Variants in MAN2A1 observed in about 807,000 individuals in gnomAD.
The protein encoded by MAN2A1 is alpha-mannosidase 2.
In MAN2A1, 76 loss-of-function variants were observed where a neutral mutation model predicts 142.6. The observed-to-expected ratio is 0.53, with a 90% CI of 0.44 to 0.65. The LOEUF (loss-of-function observed/expected upper bound fraction) is 0.65. Ranked by LOEUF, MAN2A1 falls within the 30% of genes least tolerant of loss-of-function variation. The pLI, the probability that MAN2A1 is intolerant of heterozygous loss-of-function variation, is 0.00. For missense variants in MAN2A1, 1,311 were observed against 1,365.1 expected (o/e 0.96, Z 0.62); for synonymous variants, 559 against 473.2 (o/e 1.18, Z -2.35).
rs1275996526 is a variant in MAN2A1 at position 109,781,374 on chromosome 5, A to G, written c.1375-22A>G. On this transcript the variant is annotated intron_variant, in intron 8 of 21. Transcript: ENST00000261483. ...AATTTTAAGATAGAATGAATAATTGAAGTGCATTTTTTTAAAACTAGATAC... is the reference window on the plus strand; with the variant it reads ...AATTTTAAGATAGAATGAATAATTGGAGTGCATTTTTTTAAAACTAGATAC... The G allele has an allele frequency of 2.8e-6, 4 of 1,411,294 alleles. No individual in the cohort carries two copies. In the African/African-American group the frequency reaches 5.8e-5, roughly 20 times the overall value. The allele number at this position is 1,411,294 out of a possible 1,614,324, so 87.4% of individuals were successfully genotyped here.
chr5:109,777,649 C>G (rs1753331842), intron 8 of MAN2A1, among the ~76,000 whole-genome samples: 1 of 152,014 alleles, frequency 6.6e-6, no homozygotes, highest in Admixed American at 6.6e-5. Flanking sequence ...GGTTCTGAAG[C>G]TACATTCTTA....
At chr5:109,859,211 T>C (rs1288660257) in intron 20 of MAN2A1, among the ~76,000 whole-genome samples, 4 of 152,242 alleles carry the variant, frequency 2.6e-5, no homozygotes, top group African/African-American at 9.6e-5. Context: ...CAGTGCTGTG[T>C]GTGGCCTCAG....
intron 13 of MAN2A1, among the ~76,000 whole-genome samples, chr5:109,818,673 G>A (rs898783575): frequency 5.3e-5 from 8 of 152,026 alleles, no homozygotes; most frequent in South Asian, 2.1e-4. Flanking sequence ...TTAGGAAATG[G>A]CATTGTTGTA....
At chr5:109,734,283 A>G (rs1453284935) in intron 4 of MAN2A1, among the ~76,000 whole-genome samples, 6 of 142,288 alleles carry the variant, frequency 4.2e-5, no homozygotes, top group Non-Finnish European at 7.6e-5. Context: ...CTAGCGGTCT[A>G]TCAATTTTGT....
rs577509615 is a variant in MAN2A1, at chr5:109,722,818, A to C, written c.536-6524A>C. Among the ~76,000 whole-genome samples, 11 of 152,304 alleles carry C rather than the reference A, an allele frequency of 7.2e-5. No individual in the cohort carries two copies. The South Asian group carries it at 1.7e-3, about 23-fold the overall frequency. ...CCCTCGTGTACCCTAAGAGTAACCC[A>C]CCAAAGAAAGTCACTTTTCTTTCTA... On this transcript the variant is annotated intron_variant, in intron 3 of 21. Transcript: ENST00000261483.
At chr5:109,770,209 G>C (rs1753106064) in intron 6 of MAN2A1, 146 bp from the exon 7 acceptor site, 2 of 647,434 alleles carry the variant, frequency 3.1e-6, no homozygotes, top group Admixed American at 5.7e-5. Flanking sequence ...AATACCGCTG[G>C]GGTATATGTA....
intron 5 of MAN2A1, among the ~76,000 whole-genome samples, chr5:109,762,901 A>G (rs575130936): frequency 9.8e-5 from 15 of 152,352 alleles, no homozygotes; most frequent in African/African-American, 3.4e-4. Flanking sequence ...GCAACATCCC[A>G]TCTAAAAAAT....
chr5:109,846,755 A>G (rs1353041848), intron 18 of MAN2A1, among the ~76,000 whole-genome samples: 1 of 152,200 alleles, frequency 6.6e-6, no homozygotes, highest in Non-Finnish European at 1.5e-5. Flanking sequence ...TGAGGCGTAT[A>G]CATGCATTCT....
At chr5:109,818,197 A>G (rs150908853) in intron 13 of MAN2A1, among the ~76,000 whole-genome samples, 2,827 of 152,088 alleles carry the variant, frequency 0.019, 34 homozygotes, top group Middle Eastern at 0.071. Flanking sequence ...CTGGAGTGCA[A>G]TGGCGCGATC....
intron 12 of MAN2A1, among the ~76,000 whole-genome samples, chr5:109,815,293 T>G (rs1213040080): frequency 6.6e-6 from 1 of 152,104 alleles, no homozygotes; most frequent in Non-Finnish European, 1.5e-5. Context: ...CTGAGGTAAG[T>G]CTGTTGAGTA....
At chr5:109,832,561 C>A (rs1222284239) in intron 16 of MAN2A1, among the ~76,000 whole-genome samples, 2 of 152,174 alleles carry the variant, frequency 1.3e-5, no homozygotes, top group East Asian at 3.9e-4. Flanking sequence ...TGGAGTCTCC[C>A]ATGTCTACTT....
chr5:109,729,303 C>T (rs914282734), intron 3 of MAN2A1, 39 bp from the exon 4 acceptor site: 8 of 1,387,502 alleles, frequency 5.8e-6, no homozygotes, highest in African/African-American at 3.0e-5. Context: ...ATCAGCCATA[C>T]GAATTAGACC....
At chr5:109,732,995 G>C (rs975109781) in intron 4 of MAN2A1, among the ~76,000 whole-genome samples, 1 of 152,178 alleles carries the variant, frequency 6.6e-6, no homozygotes, top group Non-Finnish European at 1.5e-5. Context: ...CTACCCATGA[G>C]CATGGAATGT....
chr5:109,774,870 T>G lies in MAN2A1; in HGVS notation c.1279T>G (p.Phe427Val). The G allele has an allele frequency of 6.2e-7, 1 of 1,612,872 alleles. No individual in the cohort carries two copies. The highest frequency in any genetic ancestry group is 1.7e-5 in the Admixed American group (1 of 59,918). Reference protein sequence around the residue: ...KVLLAPLGDDFRYCEYTEWDL... With the variant: ...KVLLAPLGDDVRYCEYTEWDL... Reference sequence around the variant, plus strand: ...TCTCCTGGCTCCACTAGGAGATGATTTCCGCTACTGTGAATACACGGAATG... The same window carrying G: ...TCTCCTGGCTCCACTAGGAGATGATGTCCGCTACTGTGAATACACGGAATG... The change falls in exon 8 of 22, where the codon TTC (phenylalanine) becomes GTC (valine). Residue 427 changes from phenylalanine (F) to valine (V), a missense_variant. This residue lies in a region of MAN2A1 where 890 missense variants were observed against 920.5 expected (regional missense o/e 0.97). Coordinates refer to ENST00000261483, the MANE Select transcript of MAN2A1 (RefSeq NM_002372.4).
Position 109,736,517 on chromosome 5 carries a change from T to TA in MAN2A1, c.707+7013dup, listed in dbSNP as rs1192018035. Among the ~76,000 whole-genome samples the TA allele has an allele frequency of 6.6e-5, 10 of 150,892 alleles. No homozygotes were observed. The South Asian group carries it at 1.5e-3, about 22-fold the overall frequency. ...GGGTGACTGGGCAAGACCGGAACTC[T>TA]AAAAAAAAAGTTTTTTTTAGGTCTT... On this transcript the variant is annotated intron_variant, in intron 4 of 21. Transcript: ENST00000261483.
chr5:109,786,384 C>G (rs1033329464), intron 10 of MAN2A1, among the ~76,000 whole-genome samples: 4 of 151,994 alleles, frequency 2.6e-5, no homozygotes, highest in African/African-American at 9.7e-5. Flanking sequence ...CTTGCTATCT[C>G]TGGCTGTCAT....
At chr5:109,755,678 TTATC>T (rs1350886439) in intron 5 of MAN2A1, among the ~76,000 whole-genome samples, 1 of 152,186 alleles carries the variant, frequency 6.6e-6, no homozygotes, top group African/African-American at 2.4e-5. Context: ...AATGTATTAT[TTATC>T]TATATTTTTA....
intron 1 of MAN2A1, among the ~76,000 whole-genome samples, chr5:109,711,844 G>A (rs1236739400): frequency 6.6e-6 from 1 of 152,096 alleles, no homozygotes; most frequent in African/African-American, 2.4e-5. Flanking sequence ...ATCTTGTGGT[G>A]ACTTATCACC....
intron 16 of MAN2A1, among the ~76,000 whole-genome samples, chr5:109,825,840 G>C (rs1754741563): frequency 6.6e-6 from 1 of 150,456 alleles, no homozygotes; most frequent in South Asian, 2.1e-4. Context: ...TCTATTTGCT[G>C]GTCTTGCCTC....
Sources: gnomAD v4.1 joint callset for allele counts (sites outside exome capture counted in the v4.1 genomes callset) on GRCh38, gnomAD v4.1.1 for gene constraint, gnomAD v4.1.1 regional missense constraint, MANE v1.5 for transcripts, NCBI Gene and HGNC (gene_info 2026-07-23, HGNC 2026-07-21) for gene names.